The following IL1R2 variants were observed in gnomAD, a reference collection of about 807,000 sequenced individuals.
IL1R2 encodes the protein interleukin 1 receptor type 2.
A neutral mutation model predicts 39.5 loss-of-function variants in IL1R2; 46 were observed. That is an observed-to-expected ratio of 1.16 (90% CI 0.92 to 1.49). The LOEUF is 1.49. Ranked by LOEUF, IL1R2 falls within the 40% of genes most tolerant of loss-of-function variation. The pLI, the probability that IL1R2 is intolerant of heterozygous loss-of-function variation, is 0.00. For missense variants in IL1R2, 537 were observed against 502.0 expected (o/e 1.07, Z -0.67); for synonymous variants, 207 against 189.6 (o/e 1.09, Z -0.75).
At chr2:102,024,804 A>T (rs1577736629) in intron 7 of IL1R2, 136 bp downstream of exon 7, 2 of 1,128,202 alleles carry the variant, frequency 1.8e-6, no homozygotes, top group African/African-American at 3.1e-5. Context: ...TTAGAATTTA[A>T]AAAATTGTAT....
intron 1 of IL1R2, among the ~76,000 whole-genome samples, chr2:102,002,265 T>C (rs986290818): frequency 6.6e-6 from 1 of 152,006 alleles, no homozygotes; most frequent in Non-Finnish European, 1.5e-5. Context: ...CAGGAGAAAA[T>C]ATGTCTATGT....
intron 6 of IL1R2, 81 bp downstream of exon 6, chr2:102,022,330 G>A (rs773312600): frequency 1.7e-4 from 198 of 1,178,072 alleles, no homozygotes; most frequent in Non-Finnish European, 2.0e-4. Flanking sequence ...GGACCCTTGC[G>A]TCTGCTGATC....
chr2:102,005,482 A>T (rs185053732), intron 1 of IL1R2, among the ~76,000 whole-genome samples: 10 of 152,332 alleles, frequency 6.6e-5, no homozygotes, highest in African/African-American at 2.4e-4. Flanking sequence ...GGACACATAA[A>T]AAAGGTAGTC....
chr2:102,005,914 A>C (rs4851527), intron 1 of IL1R2, among the ~76,000 whole-genome samples: 1 of 152,058 alleles, frequency 6.6e-6, no homozygotes, highest in South Asian at 2.1e-4. Flanking sequence ...AAATTTCAAC[A>C]TCTGCTTACT....
At chr2:101,992,442 G>C (rs1306972951) in intron 1 of IL1R2, among the ~76,000 whole-genome samples, 3 of 151,650 alleles carry the variant, frequency 2.0e-5, no homozygotes, top group Non-Finnish European at 2.9e-5. Context: ...GAGACACAGA[G>C]AGAGGTAGAG....
chr2:102,000,307 G>C lies in IL1R2; in HGVS notation c.-61-8208G>C, dbSNP rs909732643. Among the ~76,000 whole-genome samples the C allele has an allele frequency of 3.9e-5, 6 of 152,320 alleles. No individual in the cohort carries two copies. The East Asian group carries it at 5.8e-4, about 15-fold the overall frequency. ...GGTATGCCCATTTCACAGATGAGGA[G>C]ACTGAGCCTCACACAGGTAATGTAA... is the stretch of plus-strand genomic sequence containing the variant. On this transcript the variant is annotated intron_variant, in intron 1 of 8. Transcript: ENST00000332549.
intron 6 of IL1R2, among the ~76,000 whole-genome samples, chr2:102,022,997 T>G (rs1043825686): frequency 4.6e-5 from 7 of 152,194 alleles, no homozygotes; most frequent in African/African-American, 1.7e-4. Context: ...TCACGTTGGC[T>G]CAGTGGAGGC....
chr2:102,024,049 A>AAAAAC (rs1165604751), intron 6 of IL1R2, among the ~76,000 whole-genome samples: 41 of 98,166 alleles, frequency 4.2e-4, no homozygotes, highest in Non-Finnish European at 6.2e-4. Context: ...ACTCCATCTC[A>AAAAAC]AAAACAAAAC....
At chr2:102,002,753 T>TCTATAA (rs1192925120) in intron 1 of IL1R2, among the ~76,000 whole-genome samples, 1 of 146,054 alleles carries the variant, frequency 6.8e-6, no homozygotes, top group East Asian at 2.0e-4. Context: ...TATGTCTATA[T>TCTATAA]CTATATCTAT....
intron 1 of IL1R2, among the ~76,000 whole-genome samples, chr2:101,993,746 C>G (rs993994121): frequency 6.6e-6 from 1 of 152,134 alleles, no homozygotes; most frequent in Non-Finnish European, 1.5e-5. Context: ...CTTTTGGGGG[C>G]CTTTGCTCTT....
chr2:102,016,892 G>C (rs188759809), intron 4 of IL1R2, among the ~76,000 whole-genome samples: 78 of 152,168 alleles, frequency 5.1e-4, no homozygotes, highest in Non-Finnish European at 7.5e-4. Context: ...AGAAACTGAG[G>C]GATGACTGTA....
chr2:102,004,547 C>T (rs1394158286), intron 1 of IL1R2, among the ~76,000 whole-genome samples: 1 of 151,670 alleles, frequency 6.6e-6, no homozygotes, highest in African/African-American at 2.4e-5. Flanking sequence ...AAGGAGCTGC[C>T]CTTGAAATTT....
chr2:101,992,356 AAGAC>A (rs953118607), intron 1 of IL1R2, among the ~76,000 whole-genome samples: 12 of 126,634 alleles, frequency 9.5e-5, no homozygotes, highest in African/African-American at 2.4e-4. Flanking sequence ...GAGACAGAGA[AAGAC>A]AGAGACAGAG....
At chr2:102,022,770 C>T (rs955252654) in intron 6 of IL1R2, among the ~76,000 whole-genome samples, 6 of 152,344 alleles carry the variant, frequency 3.9e-5, no homozygotes, top group Admixed American at 6.5e-5. Context: ...CTTTTCACTC[C>T]ATGTGGTACA....
At chr2:102,021,073 G>T (rs1022064280) in intron 5 of IL1R2, among the ~76,000 whole-genome samples, 1 of 152,190 alleles carries the variant, frequency 6.6e-6, no homozygotes, top group Admixed American at 6.5e-5. Context: ...CCATAGGGCA[G>T]CGCGTGACTT....
chr2:102,000,352 C>G (rs914624314), intron 1 of IL1R2, among the ~76,000 whole-genome samples: 3 of 152,200 alleles, frequency 2.0e-5, no homozygotes, highest in Non-Finnish European at 4.4e-5. Context: ...CACCCTGCTG[C>G]TGGCAGGAAG....
chr2:102,025,137 C>G (rs2150463189), intron 7 of IL1R2, among the ~76,000 whole-genome samples: 1 of 152,276 alleles, frequency 6.6e-6, no homozygotes, highest in Admixed American at 6.5e-5. Flanking sequence ...AGAAAGAATT[C>G]AGTTCTCATA....
intron 3 of IL1R2, chr2:102,010,170 C>T (rs929108275): frequency 3.8e-6 from 1 of 265,062 alleles, no homozygotes; most frequent in Non-Finnish European, 7.3e-6. Context: ...TGTTTGTCTA[C>T]CCATTAGAAT....
chr2:101,997,104 G>A (rs567696301), intron 1 of IL1R2, among the ~76,000 whole-genome samples: 3 of 152,272 alleles, frequency 2.0e-5, no homozygotes, highest in East Asian at 3.9e-4. Flanking sequence ...TGATCCACAC[G>A]TGCTGACCTG....
Sources: allele counts gnomAD v4.1 joint callset (sites outside exome capture counted in the v4.1 genomes callset), GRCh38; gene constraint gnomAD v4.1.1; transcripts MANE v1.5; gene names NCBI Gene and HGNC (gene_info 2026-07-23, HGNC 2026-07-21).